APAF1: variants seen among roughly 807,000 people sequenced by gnomAD.
The protein encoded by APAF1 is apoptotic peptidase activating factor 1.
Under a neutral mutation model 152.4 loss-of-function variants are expected in APAF1, and 91 were observed. That is an observed-to-expected ratio of 0.60 (90% CI 0.50 to 0.71). APAF1 has a LOEUF of 0.71. Among genes scored for constraint, APAF1 ranks in the 30% least tolerant of loss-of-function variants. APAF1 has a pLI of 0.00. For missense variants in APAF1, 1,283 were observed against 1,472.0 expected (o/e 0.87, Z 2.10); for synonymous variants, 484 against 494.1 (o/e 0.98, Z 0.27).
chr12:98,691,714 G>GT (rs896926022), intron 16 of APAF1, among the ~76,000 whole-genome samples: 1 of 151,460 alleles, frequency 6.6e-6, no homozygotes, highest in Middle Eastern at 3.2e-3. Flanking sequence ...TGACCACCTA[G>GT]TTTTTTTGTT....
chr12:98,683,610 C>G (rs2097694806), intron 15 of APAF1, among the ~76,000 whole-genome samples: 1 of 152,168 alleles, frequency 6.6e-6, no homozygotes, highest in South Asian at 2.1e-4. Flanking sequence ...GGCTACCTTA[C>G]AGCTCACAAT....
intron 13 of APAF1, among the ~76,000 whole-genome samples, chr12:98,679,605 C>T (rs893364543): frequency 4.6e-5 from 7 of 152,256 alleles, no homozygotes; most frequent in Admixed American, 2.6e-4. Context: ...AGAAAAGCTG[C>T]GGCCCTTCGG....
chr12:98,699,593 T>G, intron 17 of APAF1, 24 bp downstream of exon 17: 1 of 1,612,712 alleles, frequency 6.2e-7, no homozygotes, highest in Non-Finnish European at 8.5e-7. Flanking sequence ...AAAGCCAACT[T>G]CAGTCTGATT....
intron 1 of APAF1, among the ~76,000 whole-genome samples, chr12:98,646,971 T>C (rs1334052653): frequency 6.6e-6 from 1 of 152,134 alleles, no homozygotes; most frequent in East Asian, 1.9e-4. Context: ...TAATACTCAA[T>C]AGTAACAATG....
At chr12:98,664,216 A>C (rs1286785350) in intron 7 of APAF1, among the ~76,000 whole-genome samples, 1 of 150,908 alleles carries the variant, frequency 6.6e-6, no homozygotes, top group Non-Finnish European at 1.5e-5. Context: ...ATGGGGTTTC[A>C]TCATCTTGGC....
intron 5 of APAF1, among the ~76,000 whole-genome samples, chr12:98,662,085 A>G (rs1014696164): frequency 2.7e-5 from 4 of 149,788 alleles, no homozygotes; most frequent in Admixed American, 6.6e-5. Context: ...GCTCAGTTCT[A>G]GTTTGGTTTT....
rs566445624 is a variant in APAF1 at position 98,715,516 on chromosome 12, G to C, written c.3048G>C (p.Lys1016Asn). 28 of 1,613,564 alleles carry C rather than the reference G, an allele frequency of 1.7e-5. No homozygotes were observed. The South Asian group carries it at 3.0e-4, about 17-fold the overall frequency. ...VWHIQFTADE[K>N]TLISSSDDAE... ...ACATCCAGTTCACAGCCGATGAGAA[G>C]ACTCTTATTTCAAGTTCTGATGATG... Residue 1016 changes from lysine to asparagine, a missense_variant, in exon 22 of 27, where the codon AAG becomes AAC. Lys to Asn is a moderately conservative substitution (Grantham distance 94, BLOSUM62 0). Transcript: ENST00000551964.
At chr12:98,667,234 T>C (rs989152835) in intron 9 of APAF1, among the ~76,000 whole-genome samples, 1 of 152,076 alleles carries the variant, frequency 6.6e-6, no homozygotes, top group Non-Finnish European at 1.5e-5. Flanking sequence ...TAGTTGGGTC[T>C]GCAGGCATAT....
Position 98,706,605 on chromosome 12 carries a change from A to G in APAF1, c.2716A>G (p.Ile906Val). The G allele has an allele frequency of 6.2e-7, 1 of 1,614,014 alleles. No homozygotes were observed. Among genetic ancestry groups the G allele is most frequent in the African/African-American group, 1.3e-5 (1 of 75,036 alleles). ...TTTGACATCTTCTGATGACCAGACA[A>G]TCAGGGTGAGAAATATTGAGATTTT... ...SFLTSSDDQT[I>V]RLWETKKVCK... Residue 906 changes from isoleucine to valine, a missense_variant, in exon 19 of 27, where the codon ATC (isoleucine) becomes GTC (valine). Coordinates refer to ENST00000551964, the MANE Select transcript of APAF1 (RefSeq NM_181861.2).
chr12:98,707,724 A>G, intron 19 of APAF1, among the ~76,000 whole-genome samples: 1 of 150,752 alleles, frequency 6.6e-6, no homozygotes, highest in Admixed American at 6.6e-5. Context: ...ATATAAATTT[A>G]CTAATTCTCA....
At chr12:98,665,484 A>G (rs561773950) in intron 7 of APAF1, 69 bp from the exon 8 acceptor site, 4 of 1,046,954 alleles carry the variant, frequency 3.8e-6, no homozygotes, top group Non-Finnish European at 6.0e-6. Context: ...AATGTAAGTA[A>G]GTAAGTCGAT....
Position 98,686,769 on chromosome 12 carries a change from G to GAATGTC in APAF1, c.2201_2206dup (p.Cys735_Arg736insGlnCys). On this transcript the variant is annotated inframe_insertion, in exon 16 of 27. Transcript: ENST00000551964. ...ATAGCTTTGGGATTTGAATCAAAAA[G>GAATGTC]AATGTCGAAATACCATGTTTGGTCA... The GAATGTC allele has an allele frequency of 6.2e-7, 1 of 1,613,630 alleles. No individual in the cohort carries two copies. Among genetic ancestry groups the GAATGTC allele is most frequent in the Admixed American group, 1.7e-5 (1 of 59,976 alleles).
In APAF1 at chr12:98,699,636, A is replaced by G. The variant is rs1368690724; in HGVS notation, c.2466+67A>G. 11 of 1,563,376 alleles carry G rather than the reference A, an allele frequency of 7.0e-6. No individual in the cohort carries two copies. The Admixed American group carries it at 1.9e-4, about 26-fold the overall frequency. On this transcript the variant is annotated intron_variant, in intron 17 of 26. Coordinates refer to ENST00000551964, the MANE Select transcript of APAF1 (RefSeq NM_181861.2). ...AGTTAAAACTTCTGTTCATTTTTGC[A>G]TTTTACAATGTTTATTCATAAAAAT...
intron 12 of APAF1, among the ~76,000 whole-genome samples, chr12:98,673,431 G>A: frequency 7.1e-6 from 1 of 140,806 alleles, no homozygotes; most frequent in African/African-American, 2.7e-5. Context: ...GTGAAGCTCT[G>A]TCTCAAAAAA....
At chr12:98,661,152 T>G (rs1440786558) in intron 5 of APAF1, among the ~76,000 whole-genome samples, 2 of 152,276 alleles carry the variant, frequency 1.3e-5, no homozygotes, top group East Asian at 3.9e-4. Context: ...CTGCCCACCT[T>G]GGCCTCCCAA....
At chr12:98,729,236 C>T (rs758311077) in intron 26 of APAF1, among the ~76,000 whole-genome samples, 1 of 152,192 alleles carries the variant, frequency 6.6e-6, no homozygotes, top group Non-Finnish European at 1.5e-5. Flanking sequence ...TACTCTATAT[C>T]AGCGGTCCCC....
At chr12:98,680,217 G>A (rs2097690864) in intron 13 of APAF1, 60 bp from the exon 14 acceptor site, 1 of 1,495,992 alleles carries the variant, frequency 6.7e-7, no homozygotes, top group African/African-American at 1.4e-5. Context: ...GATTTTTATT[G>A]AATGATGACC....
At chr12:98,713,762 C>T (rs2097730779) in intron 21 of APAF1, among the ~76,000 whole-genome samples, 1 of 152,160 alleles carries the variant, frequency 6.6e-6, no homozygotes, top group South Asian at 2.1e-4. Flanking sequence ...GCACTGGCCA[C>T]AGTTATTTTA....
intron 16 of APAF1, among the ~76,000 whole-genome samples, chr12:98,695,620 A>G (rs992303103): frequency 2.0e-5 from 3 of 152,206 alleles, no homozygotes; most frequent in Non-Finnish European, 1.5e-5. Context: ...TAGAAAAAAG[A>G]CTTTCTCTTA....
Sources: allele counts gnomAD v4.1 joint callset (sites outside exome capture counted in the v4.1 genomes callset), GRCh38; gene constraint gnomAD v4.1.1; transcripts MANE v1.5; gene names NCBI Gene and HGNC (gene_info 2026-07-23, HGNC 2026-07-21).